COMMD1: variants seen among roughly 807,000 people sequenced by gnomAD.
COMMD1 encodes COMM domain-containing protein 1.
A neutral mutation model predicts 17.2 loss-of-function variants in COMMD1; 10 were observed. The observed-to-expected ratio is 0.58, with a 90% CI of 0.36 to 0.99. COMMD1 has a LOEUF of 0.99. COMMD1 is among the 50% of genes least tolerant of loss of function. The pLI is 0.01. For synonymous variants in COMMD1, 97 were observed against 91.6 expected, an observed-to-expected ratio of 1.06 and a Z score of -0.34; for missense variants, 270 against 231.8, an observed-to-expected ratio of 1.17 and a Z score of -1.07.
At chr2:62,027,629 ATGTT>A (rs1669794323) in intron 2 of COMMD1, among the ~76,000 whole-genome samples, 1 of 145,454 alleles carries the variant, frequency 6.9e-6, no homozygotes, top group South Asian at 2.1e-4. Flanking sequence ...AATTTATGTT[ATGTT>A]ATGTTATGTT....
intron 2 of COMMD1, chr2:62,119,128 C>G (rs1004781534): frequency 6.6e-6 from 1 of 152,400 alleles, no homozygotes. Context: ...TGACTTGTGT[C>G]CTTACATACA....
intron 1 of COMMD1, among the ~76,000 whole-genome samples, chr2:61,948,060 T>C (rs539110725): frequency 1.3e-5 from 2 of 152,140 alleles, no homozygotes; most frequent in Admixed American, 6.5e-5. Context: ...AATAAATGTC[T>C]GCATTATACT....
At position 62,067,046 on chromosome 2, in the gene COMMD1, G is replaced by A. The variant is rs1211313090; in HGVS notation, c.462+66064G>A. Among the ~76,000 whole-genome samples, 2 of 151,988 alleles carry A rather than the reference G, an allele frequency of 1.3e-5. 1 individual carries two copies. Among genetic ancestry groups the A allele is most frequent in the Admixed American group, 1.3e-4 (2 of 15,250 alleles). On this transcript the variant is annotated intron_variant, in intron 2 of 2. Coordinates refer to ENST00000311832, the MANE Select transcript of COMMD1 (RefSeq NM_152516.4). ...CAGCCCAAATCTATATAGATTGATG[G>A]GCTATTTGTTATTGTTAAAATCCTA... is the stretch of plus-strand genomic sequence containing the variant.
At chr2:61,905,376 G>T (rs1010868075), upstream of COMMD1, among the ~76,000 whole-genome samples, 1 of 152,228 alleles carries the variant, frequency 6.6e-6, no homozygotes, top group Non-Finnish European at 1.5e-5. Context: ...CTTATAGGCT[G>T]CTACCCCATC....
intron 2 of COMMD1, among the ~76,000 whole-genome samples, chr2:62,089,802 T>C (rs1374453935): frequency 2.0e-5 from 3 of 152,026 alleles, no homozygotes; most frequent in Non-Finnish European, 4.4e-5. Context: ...AAATGAGAGC[T>C]TTGTCCTCGG....
chr2:61,913,009 T>A (rs13390662), intron 1 of COMMD1, among the ~76,000 whole-genome samples: 17,923 of 152,108 alleles, frequency 0.12, 2,472 homozygotes, highest in African/African-American at 0.33. Flanking sequence ...CAGCATGGTT[T>A]TGCTTGTGCA....
intron 1 of COMMD1, among the ~76,000 whole-genome samples, chr2:61,897,757 A>T (rs58975662): frequency 0.057 from 8,656 of 151,964 alleles, 415 homozygotes; most frequent in East Asian, 0.16. Context: ...CTTTAAAAAA[A>T]ATATATATAT....
chr2:61,905,585 T>A, upstream of COMMD1: 1 of 1,304,582 alleles, frequency 7.7e-7, no homozygotes, highest in Non-Finnish European at 1.0e-6. Flanking sequence ...TCCCCGAGGT[T>A]CCCCGTGGTG....
At chr2:62,098,220 G>A (rs576454512) in intron 2 of COMMD1, among the ~76,000 whole-genome samples, 1 of 146,934 alleles carries the variant, frequency 6.8e-6, no homozygotes, top group African/African-American at 2.5e-5. Context: ...GCAATGGCGC[G>A]ATCTTGGCTC....
intron 1 of COMMD1, among the ~76,000 whole-genome samples, chr2:61,916,754 G>A (rs938101390): frequency 2.6e-5 from 4 of 151,940 alleles, no homozygotes; most frequent in Admixed American, 1.3e-4. Context: ...AAATTTAATC[G>A]TCTCAACTGT....
chr2:61,894,340 G>A lies in COMMD1; in HGVS notation n.119+5498G>A, dbSNP rs529387496. Among the ~76,000 whole-genome samples, 13 of 152,124 alleles carry A rather than the reference G, an allele frequency of 8.5e-5. 1 individual carries two copies. The South Asian group carries it at 2.7e-3, about 32-fold the overall frequency. On this transcript the variant is annotated intron_variant and non_coding_transcript_variant, in intron 1 of 2. Coordinates refer to the COMMD1 transcript ENST00000472729. The stretch of plus-strand genomic sequence containing the variant: ...TGGTCTTGAACTCCTGGTCTCAAGT[G>A]ATTCACCCGCCTTGGCCTCCCAAAG...
intron 2 of COMMD1, among the ~76,000 whole-genome samples, chr2:62,081,475 C>T (rs1671517913): frequency 6.6e-6 from 1 of 152,002 alleles, no homozygotes; most frequent in Non-Finnish European, 1.5e-5. Flanking sequence ...GTCTTGAACT[C>T]CCGACCTCAG....
upstream of COMMD1, chr2:61,905,574 T>C (rs1669747732): frequency 8.4e-7 from 1 of 1,192,574 alleles, no homozygotes; most frequent in East Asian, 2.6e-5. Context: ...TGCCTCCAGG[T>C]TCCCCGAGGT....
chr2:62,017,125 T>A (rs1176972587), intron 2 of COMMD1, among the ~76,000 whole-genome samples: 1 of 152,240 alleles, frequency 6.6e-6, no homozygotes, highest in Non-Finnish European at 1.5e-5. Context: ...TAAGCTAAAC[T>A]TCCTTTTTAT....
intron 1 of COMMD1, among the ~76,000 whole-genome samples, chr2:61,983,491 A>G (rs1249805944): frequency 1.3e-5 from 2 of 152,016 alleles, no homozygotes; most frequent in Admixed American, 6.6e-5. Context: ...CTCCCGGCCT[A>G]TAATGGCTTT....
intron 2 of COMMD1, among the ~76,000 whole-genome samples, chr2:62,021,036 A>C (rs1669600082): frequency 6.6e-6 from 1 of 152,118 alleles, no homozygotes; most frequent in Non-Finnish European, 1.5e-5. Context: ...CTTTGATTAA[A>C]ATAATCTGTA....
At position 61,913,816 on chromosome 2, in the gene COMMD1, A is replaced by AAAAAAAAAAAAG. The variant is rs756118056; in HGVS notation, c.180+7959_180+7960insAAAAAAAAAAGA. Among the ~76,000 whole-genome samples, 11 of 100,190 alleles carry AAAAAAAAAAAAG rather than the reference A, an allele frequency of 1.1e-4. 3 individuals carry two copies. Among genetic ancestry groups the AAAAAAAAAAAAG allele is most frequent in the Non-Finnish European group, 1.5e-4 (8 of 53,428 alleles). The allele number at this position is 100,190 out of a possible 152,430, so 65.7% of individuals were successfully genotyped here. A position where few individuals can be genotyped will look rare whatever the true frequency, so the allele number is the denominator to read the frequency against. On this transcript the variant is annotated intron_variant, in intron 1 of 2. Transcript: ENST00000311832. ...ATCTCCAAAAAAAAAAAAAAAAAAA[A>AAAAAAAAAAAAG]AGAAAAGTGTGTTAACCTCTGTTCC...
chr2:62,023,978 A>T (rs1669685261), intron 2 of COMMD1, among the ~76,000 whole-genome samples: 1 of 152,238 alleles, frequency 6.6e-6, no homozygotes, highest in Non-Finnish European at 1.5e-5. Context: ...TGTTCAGTGG[A>T]AGTAAAAGCA....
At chr2:62,032,703 G>A (rs775617320) in intron 2 of COMMD1, among the ~76,000 whole-genome samples, 1 of 152,056 alleles carries the variant, frequency 6.6e-6, no homozygotes, top group Non-Finnish European at 1.5e-5. Context: ...CTCTTTTTCT[G>A]TTGGTTTAGC....
Sources: allele counts gnomAD v4.1 joint callset (sites outside exome capture counted in the v4.1 genomes callset), GRCh38; gene constraint gnomAD v4.1.1; transcripts MANE v1.5; gene names NCBI Gene and HGNC (gene_info 2026-07-23, HGNC 2026-07-21).